Variants in NOL7 observed in about 807,000 individuals in gnomAD.
NOL7 encodes nucleolar protein 7, also known as U3 small nucleolar RNA-associated protein NOL7.
NOL7 carries 36 observed loss-of-function variants against 38.4 expected under a neutral mutation model. The observed-to-expected ratio is 0.94, with a 90% CI of 0.72 to 1.24. The LOEUF is 1.24. Ranked by LOEUF, NOL7 falls within the 50% of genes most tolerant of loss-of-function variation. The probability of loss-of-function intolerance (pLI) is 0.00; values close to 1 mark genes in which losing one functional copy is unlikely to be tolerated. For missense variants in NOL7, 350 were observed against 315.1 expected (o/e 1.11, Z -0.84); for synonymous variants, 142 against 126.5 (o/e 1.12, Z -0.82).
At chr6:13,618,890 CA>C (rs908090240) in intron 5 of NOL7, among the ~76,000 whole-genome samples, 4 of 148,528 alleles carry the variant, frequency 2.7e-5, no homozygotes, top group South Asian at 2.1e-4. Flanking sequence ...GACCCTGTCT[CA>C]AAAAAAAAAT....
At chr6:13,630,884 A>T (rs1211937675) in intron 8 of NOL7, among the ~76,000 whole-genome samples, 3 of 151,996 alleles carry the variant, frequency 2.0e-5, no homozygotes, top group Non-Finnish European at 4.4e-5. Flanking sequence ...TATGTTGCAC[A>T]GGCTGAACCT....
At chr6:13,623,513 T>C (rs1764516468), downstream of NOL7, among the ~76,000 whole-genome samples, 2 of 152,004 alleles carry the variant, frequency 1.3e-5, no homozygotes, top group Non-Finnish European at 2.9e-5. Flanking sequence ...AATAAACGTG[T>C]GCAAAAAAGG....
At position 13,618,120 on chromosome 6, in the gene NOL7, C is replaced by CA; in HGVS notation, c.486dup (p.Val163SerfsTer8). 1 of 1,589,766 alleles carries CA rather than the reference C, an allele frequency of 6.3e-7. No homozygotes were observed. The highest frequency in any genetic ancestry group is 1.1e-5 in the South Asian group (1 of 89,974). On this transcript the variant is annotated frameshift_variant, in exon 5 of 8. Coordinates refer to ENST00000451315, the MANE Select transcript of NOL7 (RefSeq NM_016167.5). LOFTEE classifies it high-confidence loss of function. ...AAATGACTCCAAGAAAGTTAAAGTA[C>CA]AAAAAGTACAGTCTGTCAGGTAATG...
intron 3 of NOL7, among the ~76,000 whole-genome samples, chr6:13,616,839 G>T (rs1036530369): frequency 6.6e-6 from 1 of 152,174 alleles, no homozygotes; most frequent in Non-Finnish European, 1.5e-5. Flanking sequence ...ATCATTTAGT[G>T]GGGTAGCAGG....
At chr6:13,616,326 G>T (rs966014201) in intron 2 of NOL7, 137 bp from the exon 3 acceptor site, 25 of 582,572 alleles carry the variant, frequency 4.3e-5, no homozygotes, top group Non-Finnish European at 7.2e-5. Context: ...TAGCTTAGAG[G>T]TATGGGGGCA....
In NOL7 at chr6:13,615,636, G is replaced by T. The variant is rs1764257002; in HGVS notation, c.266+12G>T. ...GAGACCGTGCGCAGGTTCGGAGCCC[G>T]CTGCCCGGCGGGGAGAACCGCCCTT... On this transcript the variant is annotated intron_variant, in intron 1 of 7. Transcript: ENST00000451315. 6.2e-7 allele frequency: 1 copy of T among 1,608,056 alleles called. No individual in the cohort carries two copies. The highest frequency in any genetic ancestry group is 1.3e-5 in the African/African-American group (1 of 74,836).
At position 13,620,823 on chromosome 6, in the gene NOL7, A is replaced by C. The variant is rs1487686619; in HGVS notation, c.770A>C (p.Lys257Thr). The C allele has an allele frequency of 1.3e-6, 2 of 1,584,142 alleles. No homozygotes were observed. The highest frequency in any genetic ancestry group is 2.2e-5 in the East Asian group (1 of 44,558). Residue 257 changes from lysine to threonine, a missense_variant, in exon 8 of 8, where the codon AAG becomes ACG. Lys to Thr is a moderately conservative substitution (Grantham distance 78). Coordinates refer to ENST00000451315, the MANE Select transcript of NOL7 (RefSeq NM_016167.5). The stretch of plus-strand genomic sequence containing the variant: ...ATGGTCAGAAAGATGAAAACTAAGA[A>C]GTAAATCAATGCTAAATGAAGAATC... ...RWMVRKMKTK[K>T]
At chr6:13,632,271 TCCCTA>T in intron 8 of NOL7, 3 of 1,265,572 alleles carry the variant, frequency 2.4e-6, no homozygotes, top group Non-Finnish European at 3.3e-6. Context: ...AGGTCCCAGT[TCCCTA>T]ACAAGAATTT....
intron 8 of NOL7, among the ~76,000 whole-genome samples, chr6:13,632,080 C>G (rs1043734838): frequency 5.4e-5 from 7 of 129,560 alleles, no homozygotes; most frequent in African/African-American, 2.0e-4. Context: ...TTAACGAGGA[C>G]ACACAATGTT....
downstream of NOL7, among the ~76,000 whole-genome samples, chr6:13,625,283 A>T (rs536604682): frequency 5.2e-4 from 79 of 152,266 alleles, no homozygotes; most frequent in African/African-American, 1.8e-3. Context: ...GCCTTTCACT[A>T]AAGAGGGCTG....
chr6:13,620,786 A>G lies in NOL7; in HGVS notation c.733A>G (p.Lys245Glu), dbSNP rs781355359. The G allele has an allele frequency of 1.9e-6, 3 of 1,604,984 alleles. No homozygotes were observed. The highest frequency in any genetic ancestry group is 2.2e-5 in the South Asian group (2 of 89,166). Residue 245 changes from lysine to glutamate, a missense_variant, in exon 8 of 8, where the codon AAA becomes GAA. Coordinates refer to ENST00000451315, the MANE Select transcript of NOL7 (RefSeq NM_016167.5). ...AAAAAAACAAAATGCCAAGAGGTTT[A>G]AAAGACGGTGGATGGTCAGAAAGAT... is the stretch of plus-strand genomic sequence containing the variant. ...IQKKQNAKRF[K>E]RRWMVRKMKT...
At chr6:13,631,218 T>A (rs1027000686) in intron 8 of NOL7, among the ~76,000 whole-genome samples, 1 of 152,158 alleles carries the variant, frequency 6.6e-6, no homozygotes, top group Non-Finnish European at 1.5e-5. Flanking sequence ...AACAGCAGTT[T>A]TTATACTATG....
At chr6:13,626,050 C>T (rs951035524), downstream of NOL7, among the ~76,000 whole-genome samples, 1 of 152,194 alleles carries the variant, frequency 6.6e-6, no homozygotes, top group Non-Finnish European at 1.5e-5. Flanking sequence ...TGAACTAGTA[C>T]TGGTGTAGGG....
chr6:13,625,889 A>G (rs903170719), downstream of NOL7: 77 of 609,486 alleles, frequency 1.3e-4, no homozygotes, highest in Non-Finnish European at 2.2e-4. Flanking sequence ...CTTTAAACCC[A>G]TTTACTCCCA....
chr6:13,620,914 A>C lies in NOL7; in HGVS notation c.*87A>C. 1.2e-6 allele frequency: 1 copy of C among 846,298 alleles called. No individual in the cohort carries two copies. Among genetic ancestry groups the C allele is most frequent in the Non-Finnish European group, 1.8e-6 (1 of 552,962 alleles). 52.4% of individuals were successfully genotyped at this position (846,298 alleles called of 1,614,324 possible). A position where few individuals can be genotyped will look rare whatever the true frequency, so the allele number is the denominator to read the frequency against. On this transcript the variant is annotated 3_prime_UTR_variant, in exon 8 of 8. Coordinates refer to ENST00000451315, the MANE Select transcript of NOL7 (RefSeq NM_016167.5). ...TAGATCATTTTAAAGGATCATTATA[A>C]AAATCATAAACCTATTTGAGGAAGT...
intron 8 of NOL7, among the ~76,000 whole-genome samples, chr6:13,629,838 G>A (rs543755705): frequency 6.6e-6 from 1 of 152,192 alleles, no homozygotes; most frequent in South Asian, 2.1e-4. Flanking sequence ...GAGAAACAGT[G>A]TGCCACCTGA....
chr6:13,617,893 C>T (rs1764331848), intron 4 of NOL7, 92 bp downstream of exon 4: 2 of 1,298,396 alleles, frequency 1.5e-6, no homozygotes, highest in East Asian at 2.3e-5. Context: ...CTTAGAAAGC[C>T]AGCATGGGCC....
Position 13,620,423 on chromosome 6 carries a change from C to T in NOL7, c.638C>T (p.Ser213Phe), listed in dbSNP as rs1408259402. Residue 213 changes from serine (S) to phenylalanine (F), a missense_variant, in exon 7 of 8, where the codon TCT becomes TTT. Transcript: ENST00000451315. ...TNRTTVNKFL[S>F]LANKRLPVKR... ...TCTTTTCTAGTAAATAAGTTCCTGTCTCTTGCCAACAAGAGGTTACCAGTG... is the reference window on the plus strand; with the variant it reads ...TCTTTTCTAGTAAATAAGTTCCTGTTTCTTGCCAACAAGAGGTTACCAGTG... 1.9e-6 allele frequency: 3 copies of T among 1,613,938 alleles called. No homozygotes were observed. The highest frequency in any genetic ancestry group is 2.7e-5 in the African/African-American group (2 of 74,918).
At chr6:13,618,583 C>A (rs1054410937) in intron 5 of NOL7, among the ~76,000 whole-genome samples, 4 of 152,164 alleles carry the variant, frequency 2.6e-5, no homozygotes, top group Non-Finnish European at 5.9e-5. Context: ...TTCAGATTGT[C>A]GTCTCTGTGG....
Sources: allele counts gnomAD v4.1 joint callset (sites outside exome capture counted in the v4.1 genomes callset), GRCh38; gene constraint gnomAD v4.1.1; transcripts MANE v1.5; gene names NCBI Gene and HGNC (gene_info 2026-07-23, HGNC 2026-07-21).